The following TNFRSF6B variants were observed in gnomAD, a reference collection of about 807,000 sequenced individuals.
TNFRSF6B encodes the protein tumor necrosis factor receptor superfamily member 6B.
TNFRSF6B carries 23 observed loss-of-function variants against 17.9 expected under a neutral mutation model. The observed-to-expected ratio is 1.28, with a 90% CI of 0.92 to 1.82. TNFRSF6B has a LOEUF of 1.82. TNFRSF6B is among the 40% of genes most tolerant of loss of function. The pLI, the probability that TNFRSF6B is intolerant of heterozygous loss-of-function variation, is 0.00. For synonymous variants in TNFRSF6B, 291 were observed against 195.8 expected (o/e 1.49, Z -4.06); for missense variants, 555 against 437.2 (o/e 1.27, Z -2.40).
chr20:63,696,912 T>A lies in TNFRSF6B; in HGVS notation c.145T>A (p.Cys49Ser). ...RDAETGERLVCAQCPPGTFVQ... is the reference protein window; with the variant it reads ...RDAETGERLVSAQCPPGTFVQ... ...CGCAGAGACAGGGGAGCGGCTGGTG[T>A]GCGCCCAGTGCCCCCCAGGCACCTT... The change falls in exon 1 of 3, where the codon TGC becomes AGC. Residue 49 changes from cysteine (C) to serine (S), a missense_variant. Physicochemically the swap from Cys to Ser is moderately radical, Grantham distance 112. Coordinates refer to ENST00000369996, the MANE Select transcript of TNFRSF6B (RefSeq NM_003823.4). 1 of 1,609,870 alleles carries A rather than the reference T, an allele frequency of 6.2e-7. No homozygotes were observed. Among genetic ancestry groups the A allele is most frequent in the Non-Finnish European group, 8.5e-7 (1 of 1,178,878 alleles).
Position 63,698,303 on chromosome 20 carries a change from G to A in TNFRSF6B, c.643G>A (p.Val215Ile), listed in dbSNP as rs201139619. Residue 215 changes from valine (V) to isoleucine (I), a missense_variant, in exon 3 of 3, where the codon GTC becomes ATC. Val to Ile is a conservative substitution (Grantham distance 29). Transcript: ENST00000369996. ...VPGAEECERA[V>I]IDFVAFQDIS... is the part of the protein sequence containing the mutation. Reference sequence around the variant, plus strand: ...AGGAGCTGAGGAGTGTGAGCGTGCCGTCATCGACTTTGTGGCTTTCCAGGA... The same window carrying A: ...AGGAGCTGAGGAGTGTGAGCGTGCCATCATCGACTTTGTGGCTTTCCAGGA... 393 of 1,610,744 alleles carry A rather than the reference G, an allele frequency of 2.4e-4. No homozygotes were observed. The highest frequency in any genetic ancestry group is 3.1e-4 in the Non-Finnish European group (368 of 1,179,214).
Position 63,698,574 on chromosome 20 carries a change from C to G in TNFRSF6B, c.*11C>G. Reference sequence around the variant, plus strand: ...CTCCCTGTGCACTGATCCTGGCCCCCTCTTATTTATTCTACATCCTTGGCA... The same window carrying G: ...CTCCCTGTGCACTGATCCTGGCCCCGTCTTATTTATTCTACATCCTTGGCA... On this transcript the variant is annotated 3_prime_UTR_variant, in exon 3 of 3. Coordinates refer to ENST00000369996, the MANE Select transcript of TNFRSF6B (RefSeq NM_003823.4). The G allele has an allele frequency of 2.0e-6, 3 of 1,478,650 alleles. No individual in the cohort carries two copies. The highest frequency in any genetic ancestry group is 2.7e-6 in the Non-Finnish European group (3 of 1,119,708). 91.6% of individuals were successfully genotyped at this position (1,478,650 alleles called of 1,614,324 possible).
At position 63,697,108 on chromosome 20, in the gene TNFRSF6B, G is replaced by A. The variant is rs778138148; in HGVS notation, c.341G>A (p.Arg114His). ...CACGCCACCCACAACCGTGCCTGCC[G>A]CTGCCGCACCGGCTTCTTCGCGCAC... ...ACHATHNRAC[R>H]CRTGFFAHAG... The change falls in exon 1 of 3, where the codon CGC becomes CAC. Residue 114 changes from arginine (R) to histidine (H), a missense_variant. Transcript: ENST00000369996. 7.5e-6 allele frequency: 12 copies of A among 1,601,048 alleles called. No individual in the cohort carries two copies. Among genetic ancestry groups the A allele is most frequent in the South Asian group, 4.4e-5 (4 of 90,050 alleles).
In TNFRSF6B at chr20:63,697,133, C is replaced by T. The variant is rs535870745; in HGVS notation, c.366C>T (p.His122=). The stretch of plus-strand genomic sequence containing the variant: ...GCTGCCGCACCGGCTTCTTCGCGCA[C>T]GCTGGTTTCTGCTTGGAGCACGCAT... ...ACRCRTGFFA[H]AGFCLEHASC... Residue 122 remains histidine (H), a synonymous_variant, in exon 1 of 3, where the codon CAC becomes CAT. Transcript: ENST00000369996. The T allele has an allele frequency of 1.9e-5, 30 of 1,589,156 alleles. No homozygotes were observed. Among genetic ancestry groups the T allele is most frequent in the Middle Eastern group, 3.4e-4 (2 of 5,932 alleles).
rs372873262 is a variant in TNFRSF6B at position 63,697,074 on chromosome 20, C to G, written c.307C>G (p.Arg103Gly). 7 of 1,605,496 alleles carry G rather than the reference C, an allele frequency of 4.4e-6. No individual in the cohort carries two copies. Among genetic ancestry groups the G allele is most frequent in the Non-Finnish European group, 5.9e-6 (7 of 1,178,892 alleles). Residue 103 changes from arginine to glycine, a missense_variant, in exon 1 of 3, where the codon CGG becomes GGG. Coordinates refer to ENST00000369996, the MANE Select transcript of TNFRSF6B (RefSeq NM_003823.4). ...VLCGEREEEA[R>G]ACHATHNRAC... ...CTGCGGGGAGCGTGAGGAGGAGGCA[C>G]GGGCTTGCCACGCCACCCACAACCG...
In TNFRSF6B at chr20:63,697,163, T is replaced by C. The variant is rs1432861992; in HGVS notation, c.396T>C (p.Cys132=). 1.3e-6 allele frequency: 2 copies of C among 1,569,922 alleles called. No individual in the cohort carries two copies. The highest frequency in any genetic ancestry group is 2.3e-5 in the East Asian group (1 of 42,840). Residue 132 remains cysteine (C), a synonymous_variant, in exon 1 of 3, where the codon TGT becomes TGC. Transcript: ENST00000369996. ...GTTTCTGCTTGGAGCACGCATCGTGTCCACCTGGTGCCGGCGTGATTGCCC... is the reference window on the plus strand; with the variant it reads ...GTTTCTGCTTGGAGCACGCATCGTGCCCACCTGGTGCCGGCGTGATTGCCC... ...HAGFCLEHAS[C]PPGAGVIAPG... is the part of the protein sequence containing the mutation.
chr20:63,697,589 C>G, intron 2 of TNFRSF6B, 67 bp downstream of exon 2: 2 of 1,443,364 alleles, frequency 1.4e-6, no homozygotes, highest in Non-Finnish European at 1.8e-6. Context: ...ACTCCTGCCC[C>G]TGCACGTGCA....
chr20:63,698,425 G>T lies in TNFRSF6B; in HGVS notation c.765G>T (p.Leu255=). The T allele has an allele frequency of 6.3e-7, 1 of 1,583,096 alleles. No individual in the cohort carries two copies. ...GGGCGGGCCGCGCGGCCTTGCAGCTGAAGCTGCGTCGGCGGCTCACGGAGC... is the reference window on the plus strand; with the variant it reads ...GGGCGGGCCGCGCGGCCTTGCAGCTTAAGCTGCGTCGGCGGCTCACGGAGC... ...TPRAGRAALQ[L]KLRRRLTELL... Residue 255 remains leucine (L), a synonymous_variant, in exon 3 of 3, where the codon CTG becomes CTT. Transcript: ENST00000369996.
At chr20:63,698,229 C>T (rs756756944) in intron 2 of TNFRSF6B, 51 bp from the exon 3 acceptor site, 1 of 1,595,228 alleles carries the variant, frequency 6.3e-7, no homozygotes, top group South Asian at 1.1e-5. Flanking sequence ...CAGCCCCCGC[C>T]AGTGTGTGTG....
chr20:63,697,055 G>T lies in TNFRSF6B; in HGVS notation c.288G>T (p.Gly96=). ...GCCGCTACTGCAACGTCCTCTGCGGGGAGCGTGAGGAGGAGGCACGGGCTT... is the reference window on the plus strand; with the variant it reads ...GCCGCTACTGCAACGTCCTCTGCGGTGAGCGTGAGGAGGAGGCACGGGCTT... ...ERCRYCNVLC[G]EREEEARACH... The change falls in exon 1 of 3, where the codon GGG becomes GGT. Residue 96 remains glycine (G), a synonymous_variant. Coordinates refer to ENST00000369996, the MANE Select transcript of TNFRSF6B (RefSeq NM_003823.4). The T allele has an allele frequency of 1.2e-6, 2 of 1,607,688 alleles. No individual in the cohort carries two copies.
In TNFRSF6B at chr20:63,696,982, C is replaced by G; in HGVS notation, c.215C>G (p.Pro72Arg). The G allele has an allele frequency of 6.2e-7, 1 of 1,608,744 alleles. No individual in the cohort carries two copies. The highest frequency in any genetic ancestry group is 8.5e-7 in the Non-Finnish European group (1 of 1,179,308). ...CGAGACAGCCCCACGACGTGTGGCC[C>G]GTGTCCACCGCGCCACTACACGCAG... ...CRRDSPTTCG[P>R]CPPRHYTQFW... The change falls in exon 1 of 3, where the codon CCG (proline) becomes CGG (arginine). Residue 72 changes from proline (P) to arginine (R), a missense_variant. Coordinates refer to ENST00000369996, the MANE Select transcript of TNFRSF6B (RefSeq NM_003823.4).
chr20:63,696,696 T>C lies in TNFRSF6B; in HGVS notation c.-72T>C, dbSNP rs376896486. ...GCAGGCGGACCGGGGGCAAAGGAGGTGGCATGTCGGTCAGGCACAGCAGGG... is the reference window on the plus strand; with the variant it reads ...GCAGGCGGACCGGGGGCAAAGGAGGCGGCATGTCGGTCAGGCACAGCAGGG... On this transcript the variant is annotated 5_prime_UTR_variant, in exon 1 of 3. Coordinates refer to ENST00000369996, the MANE Select transcript of TNFRSF6B (RefSeq NM_003823.4). 9.2e-5 allele frequency: 131 copies of C among 1,428,166 alleles called. 1 individual carries two copies. In the East Asian group the frequency reaches 2.0e-3, roughly 22 times the overall value. 88.5% of individuals were successfully genotyped at this position (1,428,166 alleles called of 1,614,324 possible). A position where few individuals can be genotyped will look rare whatever the true frequency, so the allele number is the denominator to read the frequency against.
chr20:63,697,516 G>T lies in TNFRSF6B; in HGVS notation c.613G>T (p.Val205Leu). 1 of 1,545,692 alleles carries T rather than the reference G, an allele frequency of 6.5e-7. No homozygotes were observed. The highest frequency in any genetic ancestry group is 8.8e-7 in the Non-Finnish European group (1 of 1,142,498). The change falls in exon 2 of 3, where the codon GTA (valine) becomes TTA (leucine). Residue 205 changes from valine (V) to leucine (L), a missense_variant. By Grantham distance (32) the Val-to-Leu change is conservative (BLOSUM62 1). Coordinates refer to ENST00000369996, the MANE Select transcript of TNFRSF6B (RefSeq NM_003823.4). ...SCTGFPLSTR[V>L]PGAEECERAV... is the part of the protein sequence containing the mutation. Reference sequence around the variant, plus strand: ...CACTGGCTTCCCCCTCAGCACCAGGGTACCAGGTGAGCCAGAGGCCTGAGG... The same window carrying T: ...CACTGGCTTCCCCCTCAGCACCAGGTTACCAGGTGAGCCAGAGGCCTGAGG...
At chr20:63,698,184 C>A (rs1048131800) in intron 2 of TNFRSF6B, 96 bp from the exon 3 acceptor site, 12 of 1,458,752 alleles carry the variant, frequency 8.2e-6, no homozygotes, top group Non-Finnish European at 1.1e-5. Context: ...CTCCTGCAAA[C>A]CCCCCGAGTG....
At position 63,698,571 on chromosome 20, in the gene TNFRSF6B, C is replaced by T. The variant is rs750934580; in HGVS notation, c.*8C>T. On this transcript the variant is annotated 3_prime_UTR_variant, in exon 3 of 3. Transcript: ENST00000369996. ...TTCCTCCCTGTGCACTGATCCTGGC[C>T]CCCTCTTATTTATTCTACATCCTTG... The T allele has an allele frequency of 2.4e-5, 36 of 1,482,160 alleles. No homozygotes were observed. In the Admixed American group the frequency reaches 2.9e-4, roughly 12 times the overall value. 91.8% of individuals were successfully genotyped at this position (1,482,160 alleles called of 1,614,324 possible).
Position 63,698,422 on chromosome 20 carries a change from G to T in TNFRSF6B, c.762G>T (p.Gln254His). Residue 254 changes from glutamine to histidine, a missense_variant, in exon 3 of 3, where the codon CAG (glutamine) becomes CAT (histidine). Physicochemically the swap from Gln to His is conservative, Grantham distance 24. Coordinates refer to ENST00000369996, the MANE Select transcript of TNFRSF6B (RefSeq NM_003823.4). ...CAAGGGCGGGCCGCGCGGCCTTGCA[G>T]CTGAAGCTGCGTCGGCGGCTCACGG... is the stretch of plus-strand genomic sequence containing the variant. The part of the protein sequence containing the change: ...PTPRAGRAAL[Q>H]LKLRRRLTEL... 2 of 1,584,682 alleles carry T rather than the reference G, an allele frequency of 1.3e-6. No homozygotes were observed. Among genetic ancestry groups the T allele is most frequent in the South Asian group, 1.1e-5 (1 of 88,348 alleles).
At chr20:63,697,260 G>C in intron 1 of TNFRSF6B, 68 bp from the exon 2 acceptor site, 1 of 1,555,072 alleles carries the variant, frequency 6.4e-7, no homozygotes, top group Non-Finnish European at 8.7e-7. Context: ...TCAGGTTGCT[G>C]GTCCCAGCCT....
rs758568327 is a variant in TNFRSF6B, at chr20:63,696,762, A to G, written c.-6A>G. On this transcript the variant is annotated 5_prime_UTR_variant, in exon 1 of 3. Coordinates refer to ENST00000369996, the MANE Select transcript of TNFRSF6B (RefSeq NM_003823.4). The stretch of plus-strand genomic sequence containing the variant: ...GAGCCGCGCTCTCCCTGCTCCAGCA[A>G]GGACCATGAGGGCGCTGGAGGGGCC... 8 of 1,571,942 alleles carry G rather than the reference A, an allele frequency of 5.1e-6. No homozygotes were observed. The highest frequency in any genetic ancestry group is 6.9e-6 in the Non-Finnish European group (8 of 1,157,524).
Position 63,697,543 on chromosome 20 carries a change from G to A in TNFRSF6B, c.619+21G>A, listed in dbSNP as rs756480875. On this transcript the variant is annotated intron_variant, in intron 2 of 2. Coordinates refer to ENST00000369996, the MANE Select transcript of TNFRSF6B (RefSeq NM_003823.4). Reference sequence around the variant, plus strand: ...ACCAGGTGAGCCAGAGGCCTGAGGGGGCAGCACACTGCAGGCCAGGCCCAC... The same window carrying A: ...ACCAGGTGAGCCAGAGGCCTGAGGGAGCAGCACACTGCAGGCCAGGCCCAC... The A allele has an allele frequency of 1.8e-5, 27 of 1,529,936 alleles. No homozygotes were observed. The African/African-American group carries it at 2.3e-4, about 13-fold the overall frequency. The allele number at this position is 1,529,936 out of a possible 1,614,324, so 94.8% of individuals were successfully genotyped here.
Sources: allele counts gnomAD v4.1 joint callset, GRCh38; gene constraint gnomAD v4.1.1; transcripts MANE v1.5; gene names NCBI Gene and HGNC (gene_info 2026-07-23, HGNC 2026-07-21).